The following HYCC2 variants were observed in gnomAD, a reference collection of about 807,000 sequenced individuals.
HYCC2 encodes hyccin 2.
chr2:201,062,762 G>A, the HYCC2 span, among the ~76,000 whole-genome samples: 1 of 151,092 alleles, frequency 6.6e-6, no homozygotes, highest in African/African-American at 2.4e-5. Context: ...AGGCTGCAGT[G>A]AGCTATAATC....
At chr2:200,982,768 A>T in the HYCC2 span, among the ~76,000 whole-genome samples, 53 of 151,802 alleles carry the variant, frequency 3.5e-4, no homozygotes, top group Non-Finnish European at 6.2e-4. Context: ...TTATTTATTT[A>T]TTTTTTTTGA....
the HYCC2 span, among the ~76,000 whole-genome samples, chr2:201,037,549 G>A: frequency 6.6e-6 from 1 of 152,156 alleles, no homozygotes; most frequent in Non-Finnish European, 1.5e-5. Context: ...GAGAGATATA[G>A]ACCAATGGAA....
the HYCC2 span, among the ~76,000 whole-genome samples, chr2:201,068,574 T>C: frequency 1.4e-4 from 21 of 152,220 alleles, no homozygotes; most frequent in Non-Finnish European, 2.2e-4. Context: ...GAAGTGGAGA[T>C]GATATAAGTG....
the HYCC2 span, among the ~76,000 whole-genome samples, chr2:201,000,707 A>G: frequency 5.9e-5 from 9 of 152,230 alleles, no homozygotes; most frequent in African/African-American, 2.2e-4. Context: ...TAGCAATTCT[A>G]TTCCTAGGTA....
At chr2:201,006,829 T>C in the HYCC2 span, among the ~76,000 whole-genome samples, 1 of 152,178 alleles carries the variant, frequency 6.6e-6, no homozygotes, top group Non-Finnish European at 1.5e-5. Flanking sequence ...GGAAATTGAA[T>C]TGAAGCCTCC....
the HYCC2 span, chr2:201,062,997 T>C: frequency 6.9e-7 from 1 of 1,450,314 alleles, no homozygotes. Flanking sequence ...TAACATTTAT[T>C]ATGCATCAAG....
At chr2:201,067,113 T>C in the HYCC2 span, 1 of 247,572 alleles carries the variant, frequency 4.0e-6, no homozygotes, top group Non-Finnish European at 8.2e-6. Flanking sequence ...TCAGACCTGA[T>C]GAAGAGAAGA....
chr2:201,033,879 T>C, the HYCC2 span, among the ~76,000 whole-genome samples: 3 of 152,104 alleles, frequency 2.0e-5, no homozygotes, highest in African/African-American at 7.2e-5. Flanking sequence ...ATCTTTTAAT[T>C]TGATATATAC....
chr2:201,068,554 A>G, the HYCC2 span, among the ~76,000 whole-genome samples: 3 of 152,202 alleles, frequency 2.0e-5, no homozygotes, highest in Admixed American at 2.0e-4. Flanking sequence ...CATCCGTAAA[A>G]TTCTGAAGGG....
the HYCC2 span, among the ~76,000 whole-genome samples, chr2:201,000,232 G>A: frequency 2.2e-4 from 34 of 151,576 alleles, no homozygotes; most frequent in African/African-American, 4.8e-4. Context: ...TTTAATTAGC[G>A]GGCCATGGTG....
chr2:201,051,460 A>G, the HYCC2 span, among the ~76,000 whole-genome samples: 3 of 152,230 alleles, frequency 2.0e-5, no homozygotes, highest in East Asian at 5.8e-4. Context: ...AGAAAACCCA[A>G]AAGACTCTAT....
chr2:201,058,320 CTCTA>C, the HYCC2 span, among the ~76,000 whole-genome samples: 1 of 152,216 alleles, frequency 6.6e-6, no homozygotes, highest in Non-Finnish European at 1.5e-5. Flanking sequence ...TTTTACCAAT[CTCTA>C]ACTAACATTT....
the HYCC2 span, among the ~76,000 whole-genome samples, chr2:201,066,123 G>A: frequency 6.6e-6 from 1 of 151,476 alleles, no homozygotes; most frequent in Non-Finnish European, 1.5e-5. Flanking sequence ...CATCGCCCAG[G>A]CTGGAGTGCA....
At chr2:201,030,085 TCAAAAA>T in the HYCC2 span, among the ~76,000 whole-genome samples, 5 of 152,014 alleles carry the variant, frequency 3.3e-5, no homozygotes, top group African/African-American at 9.7e-5. Context: ...AGACCCCGTC[TCAAAAA>T]CAAAAACAAA....
the HYCC2 span, among the ~76,000 whole-genome samples, chr2:200,991,754 A>T: frequency 1.3e-5 from 2 of 151,244 alleles, no homozygotes; most frequent in African/African-American, 4.9e-5. Flanking sequence ...ATAAAAATAA[A>T]AAATTTAAAA....
At chr2:201,058,989 T>C in the HYCC2 span, among the ~76,000 whole-genome samples, 2 of 152,176 alleles carry the variant, frequency 1.3e-5, no homozygotes, top group Non-Finnish European at 2.9e-5. Flanking sequence ...CTCCCCCAAG[T>C]AGAGAGTCAG....
chr2:201,057,490 G>A, the HYCC2 span, among the ~76,000 whole-genome samples: 1 of 152,180 alleles, frequency 6.6e-6, no homozygotes, highest in Non-Finnish European at 1.5e-5. Flanking sequence ...GATTTTACAT[G>A]AGAGGAAACA....
the HYCC2 span, among the ~76,000 whole-genome samples, chr2:201,004,407 T>A: frequency 1.3e-5 from 2 of 152,174 alleles, no homozygotes; most frequent in Non-Finnish European, 2.9e-5. Context: ...ACTGCAGCAA[T>A]GCAGAGATGG....
the HYCC2 span, among the ~76,000 whole-genome samples, chr2:200,985,206 T>C: frequency 2.6e-5 from 4 of 152,354 alleles, no homozygotes; most frequent in Admixed American, 2.0e-4. Context: ...ATACCATTCA[T>C]GGTCCAAAGA....
Sources: allele counts gnomAD v4.1 joint callset (sites outside exome capture counted in the v4.1 genomes callset), GRCh38; gene constraint gnomAD v4.1.1; transcripts MANE v1.5; gene names NCBI Gene and HGNC (gene_info 2026-07-23, HGNC 2026-07-21).